The following QSER1 variants were observed in gnomAD, a reference collection of about 807,000 sequenced individuals.
QSER1 encodes the protein glutamine and serine-rich protein 1.
Under a neutral mutation model 158.5 loss-of-function variants are expected in QSER1, and 49 were observed. The ratio of observed to expected loss-of-function variants is 0.31; its 90% confidence interval spans 0.25 to 0.39. QSER1 has a LOEUF of 0.39. Among genes scored for constraint, QSER1 ranks in the 10% least tolerant of loss-of-function variants. QSER1 has a pLI of 1.00. For synonymous variants in QSER1, 650 were observed against 715.5 expected (o/e 0.91, Z 1.46); for missense variants, 1,754 against 2,010.3 (o/e 0.87, Z 2.44).
intron 11 of QSER1, among the ~76,000 whole-genome samples, chr11:32,974,579 G>C (rs961064930): frequency 6.6e-6 from 1 of 152,152 alleles, no homozygotes; most frequent in African/African-American, 2.4e-5. Flanking sequence ...GTCATACTAC[G>C]TGCTTTTTAT....
chr11:32,975,453 G>A (rs1006681286), intron 12 of QSER1, 110 bp downstream of exon 12: 13 of 1,537,022 alleles, frequency 8.5e-6, no homozygotes, highest in Admixed American at 3.8e-5. Context: ...ATGTGTGTAT[G>A]TATTTTGTCT....
chr11:32,954,740 A>T (rs2133582879), intron 5 of QSER1, among the ~76,000 whole-genome samples: 1 of 152,228 alleles, frequency 6.6e-6, no homozygotes, highest in African/African-American at 2.4e-5. Context: ...GGCTGGTCTC[A>T]AACTCTTGGC....
At chr11:32,963,171 T>C (rs1852658529) in intron 8 of QSER1, among the ~76,000 whole-genome samples, 1 of 152,254 alleles carries the variant, frequency 6.6e-6, no homozygotes, top group South Asian at 2.1e-4. Flanking sequence ...TTTATCTTTT[T>C]TTGAGACAAG....
At chr11:32,973,266 TG>T in intron 10 of QSER1, 130 bp from the exon 11 acceptor site, 1 of 867,966 alleles carries the variant, frequency 1.2e-6, no homozygotes, top group Non-Finnish European at 1.9e-6. Context: ...TGCAAATAGG[TG>T]TTTGTGTGCA....
At chr11:32,923,679 A>G (rs1590724943) in intron 1 of QSER1, among the ~76,000 whole-genome samples, 1 of 1,214 alleles carries the variant, frequency 8.2e-4, no homozygotes, top group African/African-American at 8.4e-4. Flanking sequence ...CTCTTGTCTC[A>G]AAAAAAAAGG....
Position 32,955,968 on chromosome 11 carries a change from CAA to C in QSER1, c.4618-18_4618-17del, listed in dbSNP as rs928402164. Reference sequence around the variant, plus strand: ...ATCTAGATTGTTCAATTATGTAACTCAAAGTGTTTCCTTCCTCAGTATCTTGG... The same window carrying C: ...ATCTAGATTGTTCAATTATGTAACTCAGTGTTTCCTTCCTCAGTATCTTGG... On this transcript the variant is annotated intron_variant, in intron 6 of 12. Transcript: ENST00000650167. 1.3e-6 allele frequency: 2 copies of C among 1,591,758 alleles called. No homozygotes were observed. The highest frequency in any genetic ancestry group is 1.8e-5 in the Admixed American group (1 of 56,340).
intron 8 of QSER1, among the ~76,000 whole-genome samples, chr11:32,961,291 C>T (rs1365992992): frequency 2.6e-5 from 4 of 152,100 alleles, no homozygotes; most frequent in African/African-American, 9.7e-5. Context: ...CTGATACTGA[C>T]AAGTAGTAGT....
intron 1 of QSER1, among the ~76,000 whole-genome samples, chr11:32,921,428 CAGTT>C (rs1479757129): frequency 6.6e-6 from 1 of 152,112 alleles, no homozygotes; most frequent in African/African-American, 2.4e-5. Context: ...ATTGTGGTGA[CAGTT>C]GGACAAGTCT....
intron 8 of QSER1, among the ~76,000 whole-genome samples, chr11:32,962,246 A>T (rs1162115356): frequency 6.6e-6 from 1 of 152,138 alleles, no homozygotes; most frequent in Non-Finnish European, 1.5e-5. Context: ...GTGACTAATG[A>T]TGTTGAGCAT....
chr11:32,965,148 G>A (rs572286552), intron 8 of QSER1, among the ~76,000 whole-genome samples: 37 of 151,930 alleles, frequency 2.4e-4, no homozygotes, highest in Non-Finnish European at 5.0e-4. Context: ...TCTTTACTCT[G>A]TTTCCCATGC....
At chr11:32,942,590 A>G (rs1315795026) in intron 4 of QSER1, among the ~76,000 whole-genome samples, 2 of 152,004 alleles carry the variant, frequency 1.3e-5, no homozygotes, top group African/African-American at 2.4e-5. Flanking sequence ...CCATTGATCT[A>G]TATCTCTGTT....
At chr11:32,936,395 C>T (rs1852154247) in intron 4 of QSER1, among the ~76,000 whole-genome samples, 1 of 152,100 alleles carries the variant, frequency 6.6e-6, no homozygotes, top group Non-Finnish European at 1.5e-5. Flanking sequence ...CATAGTATTC[C>T]ATGGTGTATA....
chr11:32,911,206 A>G (rs577801917), intron 1 of QSER1, among the ~76,000 whole-genome samples: 2 of 152,002 alleles, frequency 1.3e-5, no homozygotes, highest in African/African-American at 4.8e-5. Context: ...TTAAATCTGC[A>G]TCTCAGGTAA....
intron 4 of QSER1, among the ~76,000 whole-genome samples, chr11:32,946,065 C>G (rs776052733): frequency 6.6e-6 from 1 of 152,036 alleles, no homozygotes; most frequent in Non-Finnish European, 1.5e-5. Context: ...ACGTAGTTCT[C>G]GAGCCTTGGT....
At chr11:32,971,705 A>C (rs1180061557) in intron 10 of QSER1, among the ~76,000 whole-genome samples, 3 of 152,204 alleles carry the variant, frequency 2.0e-5, no homozygotes, top group African/African-American at 7.2e-5. Flanking sequence ...TGTTTCTATC[A>C]AATGAAATTT....
Position 32,954,097 on chromosome 11 carries a change from A to G in QSER1, c.4418A>G (p.Glu1473Gly). ...GCCATAGAAGGTTTTACAGATGAGGAGGACACAGAAAGCGGAGGAGAAGGC... is the reference window on the plus strand; with the variant it reads ...GCCATAGAAGGTTTTACAGATGAGGGGGACACAGAAAGCGGAGGAGAAGGC... ...TVAIEGFTDE[E>G]DTESGGEGQY... Residue 1473 changes from glutamate (E) to glycine (G), a missense_variant, in exon 5 of 13, where the codon GAG (glutamate) becomes GGG (glycine). Around this residue, in one of 2 missense-constraint regions of QSER1, gnomAD observed 1,707 missense variants for 1,919.6 expected, o/e 0.89. Transcript: ENST00000650167. 2 of 1,614,170 alleles carry G rather than the reference A, an allele frequency of 1.2e-6. No individual in the cohort carries two copies. The highest frequency in any genetic ancestry group is 8.5e-7 in the Non-Finnish European group (1 of 1,180,038).
At position 32,979,553 on chromosome 11, in the gene QSER1, T is replaced by C. The variant is rs1259443632; in HGVS notation, c.*3079T>C. ...CCCATTTCTGTATTACACTATCAAA[T>C]AGGAAACATTGGAAAGATGGGGAAA... On this transcript the variant is annotated 3_prime_UTR_variant, in exon 13 of 13. Transcript: ENST00000650167. 1 of 152,132 alleles carries C rather than the reference T, an allele frequency of 6.6e-6. No homozygotes were observed. The highest frequency in any genetic ancestry group is 2.4e-5 in the African/African-American group (1 of 41,438). The allele number at this position is 152,132 out of a possible 1,614,324, so 9.4% of individuals were successfully genotyped here. A position where few individuals can be genotyped will look rare whatever the true frequency, so the allele number is the denominator to read the frequency against.
At position 32,973,518 on chromosome 11, in the gene QSER1, G is replaced by C. The variant is rs762600224; in HGVS notation, c.5327G>C (p.Arg1776Thr). The change falls in exon 11 of 13, where the codon AGG becomes ACG. Residue 1776 changes from arginine to threonine, a missense_variant. Arg to Thr is a moderately conservative substitution (Grantham distance 71). Around this residue, in one of 2 missense-constraint regions of QSER1, gnomAD observed 1,707 missense variants for 1,919.6 expected, o/e 0.89. Transcript: ENST00000650167. ...NGKAYNKKTL[R>T]TSKTTTKSAQ... ...AAAGCCTATAATAAGAAAACTCTAA[G>C]GACTTCTAAAACAACCACCAAATCT... 1 of 1,611,758 alleles carries C rather than the reference G, an allele frequency of 6.2e-7. No homozygotes were observed.
rs372321612 is a variant in QSER1, at chr11:32,932,322, A to C, written c.1064A>C (p.Glu355Ala). The C allele has an allele frequency of 3.7e-6, 6 of 1,613,208 alleles. No homozygotes were observed. In the African/African-American group the frequency reaches 8.0e-5, roughly 22 times the overall value. ...AATTCAAGTGTAGTTAATTTTCAGG[A>C]AACAACCAGGCAGTCATCTTTATCC... is the stretch of plus-strand genomic sequence containing the variant. ...LSNSSVVNFQ[E>A]TTRQSSLSCS... The change falls in exon 4 of 13, where the codon GAA (glutamate) becomes GCA (alanine). Residue 355 changes from glutamate (E) to alanine (A), a missense_variant. Physicochemically the swap from Glu to Ala is moderately radical, Grantham distance 107. This residue lies in a region of QSER1 where 1,707 missense variants were observed against 1,919.6 expected (regional missense o/e 0.89). Transcript: ENST00000650167.
Sources: allele counts gnomAD v4.1 joint callset (sites outside exome capture counted in the v4.1 genomes callset), GRCh38; gene constraint gnomAD v4.1.1; regional missense constraint gnomAD v4.1.1; transcripts MANE v1.5; gene names NCBI Gene and HGNC (gene_info 2026-07-23, HGNC 2026-07-21).